Variants in TMEM230 observed in about 807,000 individuals in gnomAD.
TMEM230 encodes transmembrane protein 230.
A neutral mutation model predicts 15.8 loss-of-function variants in TMEM230; 10 were observed. The ratio of observed to expected loss-of-function variants is 0.63; its 90% confidence interval spans 0.39 to 1.07. TMEM230 has a LOEUF of 1.07. Ranked by LOEUF, TMEM230 falls within the 50% of genes least tolerant of loss-of-function variation. TMEM230 has a pLI of 0.01. For synonymous variants in TMEM230, 67 were observed against 76.9 expected (o/e 0.87, Z 0.68); for missense variants, 165 against 193.3 (o/e 0.85, Z 0.87).
chr20:5,088,817 A>G lies in TMEM230; in HGVS notation c.222+17371T>C, dbSNP rs1277639888. Among the ~76,000 whole-genome samples the G allele has an allele frequency of 2.0e-5, 3 of 152,300 alleles. No individual in the cohort carries two copies. The East Asian group carries it at 5.8e-4, about 29-fold the overall frequency. On this transcript the variant is annotated intron_variant, in intron 3 of 3. Coordinates refer to the TMEM230 transcript ENST00000612323. ...GCGTGAGCCACCATGCCCAACCCAG[A>G]ACCAGGTTTAATAACTGTAGAGGAG...
intron 3 of TMEM230, among the ~76,000 whole-genome samples, chr20:5,081,691 T>A (rs886831143): frequency 1.3e-5 from 2 of 151,912 alleles, no homozygotes; most frequent in East Asian, 1.9e-4. Flanking sequence ...ACAAAATACA[T>A]CTTAGCCAGT....
intron 3 of TMEM230, among the ~76,000 whole-genome samples, chr20:5,094,314 A>G (rs1320156030): frequency 6.6e-6 from 1 of 151,942 alleles, no homozygotes; most frequent in African/African-American, 2.4e-5. Context: ...GGACCATCAC[A>G]GGTCACTGTA....
chr20:5,073,599 C>CAGAGAT (rs2088896605), intron 3 of TMEM230, among the ~76,000 whole-genome samples: 1 of 152,180 alleles, frequency 6.6e-6, no homozygotes, highest in South Asian at 2.1e-4. Flanking sequence ...GCTCAGACGC[C>CAGAGAT]AGAGATAGGA....
chr20:5,059,745 T>C, the TMEM230 span, among the ~76,000 whole-genome samples: 5 of 145,246 alleles, frequency 3.4e-5, no homozygotes, highest in Non-Finnish European at 7.5e-5. Context: ...GCTGGGACCA[T>C]AGCACCACTT....
intron 3 of TMEM230, among the ~76,000 whole-genome samples, chr20:5,069,717 C>T (rs565825684): frequency 7.8e-4 from 116 of 149,608 alleles, no homozygotes; most frequent in African/African-American, 2.7e-3. Flanking sequence ...TTTTCCTTTC[C>T]TTTTTCCTTT....
exon 4 of TMEM230, chr20:5,068,846 T>C (rs2088731397): frequency 1.0e-5 from 2 of 198,672 alleles, no homozygotes. Flanking sequence ...TTTGTGAGAA[T>C]ATGAGCATCC....
intron 3 of TMEM230, among the ~76,000 whole-genome samples, chr20:5,108,037 C>A (rs946655587): frequency 6.6e-6 from 1 of 151,964 alleles, no homozygotes; most frequent in Non-Finnish European, 1.5e-5. Flanking sequence ...TCACTTGAAC[C>A]AGGAGGGGGA....
At chr20:5,069,050 T>C in exon 4 of TMEM230, 2 of 769,022 alleles carry the variant, frequency 2.6e-6, no homozygotes, top group Non-Finnish European at 4.0e-6. Context: ...GAACATTCCC[T>C]CCACATATCC....
chr20:5,102,037 T>C (rs907341174), intron 4 of TMEM230, among the ~76,000 whole-genome samples: 1 of 152,234 alleles, frequency 6.6e-6, no homozygotes, highest in African/African-American at 2.4e-5. Context: ...TCAGGACTCC[T>C]GTATGCCAGG....
chr20:5,111,770 T>TTTG, intron 1 of TMEM230: 1 of 981,982 alleles, frequency 1.0e-6, no homozygotes, highest in Non-Finnish European at 1.2e-6. Flanking sequence ...TTACCTAGTC[T>TTTG]TTGTTAGATG....
At chr20:5,068,241 G>C (rs1440508312), downstream of TMEM230, 1 of 152,222 alleles carries the variant, frequency 6.6e-6, no homozygotes, top group Non-Finnish European at 1.5e-5. Flanking sequence ...ACTTCCACCT[G>C]TGTTCCATTG....
downstream of TMEM230, among the ~76,000 whole-genome samples, chr20:5,096,627 C>T (rs1226952368): frequency 1.3e-5 from 2 of 152,188 alleles, no homozygotes; most frequent in Non-Finnish European, 2.9e-5. Context: ...ATGAACTGGG[C>T]TCCTTGGCCT....
chr20:5,103,038 T>A (rs1039603499), intron 4 of TMEM230, among the ~76,000 whole-genome samples: 3 of 152,208 alleles, frequency 2.0e-5, no homozygotes, highest in Admixed American at 6.5e-5. Flanking sequence ...ACCATATGAT[T>A]ATTTCAATCG....
At chr20:5,088,612 A>G (rs1273419451) in intron 3 of TMEM230, among the ~76,000 whole-genome samples, 2 of 152,130 alleles carry the variant, frequency 1.3e-5, no homozygotes, top group Admixed American at 6.5e-5. Flanking sequence ...TCCTGGGCTC[A>G]AGGATCCTCC....
chr20:5,096,115 C>T (rs972349376), downstream of TMEM230, among the ~76,000 whole-genome samples: 7 of 152,186 alleles, frequency 4.6e-5, no homozygotes, highest in African/African-American at 1.7e-4. Context: ...TCAACCCTCG[C>T]TCCTGCCGCT....
At chr20:5,071,163 A>T (rs958815261) in intron 3 of TMEM230, among the ~76,000 whole-genome samples, 1 of 152,130 alleles carries the variant, frequency 6.6e-6, no homozygotes, top group Non-Finnish European at 1.5e-5. Flanking sequence ...GATACCTTTG[A>T]TTCTAATTAT....
At chr20:5,061,437 C>G in the TMEM230 span, 1 of 152,198 alleles carries the variant, frequency 6.6e-6, no homozygotes, top group Non-Finnish European at 1.5e-5. Context: ...ACCCCAAACT[C>G]CCTGAGTCAC....
intron 4 of TMEM230, among the ~76,000 whole-genome samples, chr20:5,102,699 A>C (rs903192771): frequency 1.3e-5 from 2 of 151,748 alleles, no homozygotes; most frequent in African/African-American, 4.8e-5. Context: ...AAAAAAAAAA[A>C]AAAAAAAAAA....
intron 1 of TMEM230, chr20:5,111,876 T>A (rs2090342033): frequency 1.3e-6 from 1 of 764,314 alleles, no homozygotes; most frequent in African/African-American, 1.9e-5. Context: ...AGACGGAGTC[T>A]CGCTCTGTCA....
Sources: gnomAD v4.1 joint callset for allele counts (sites outside exome capture counted in the v4.1 genomes callset) on GRCh38, gnomAD v4.1.1 for gene constraint, MANE v1.5 for transcripts, NCBI Gene and HGNC (gene_info 2026-07-23, HGNC 2026-07-21) for gene names.